PRKCZ: variants seen among roughly 807,000 people sequenced by gnomAD.
PRKCZ encodes the protein protein kinase C zeta type.
Under a neutral mutation model 79.5 loss-of-function variants are expected in PRKCZ, and 33 were observed. The observed-to-expected ratio is 0.41, with a 90% CI of 0.31 to 0.55. PRKCZ has a LOEUF of 0.55. Among genes scored for constraint, PRKCZ ranks in the 20% least tolerant of loss-of-function variants. The pLI is 0.19. For synonymous variants in PRKCZ, 342 were observed against 320.9 expected, an observed-to-expected ratio of 1.07 and a Z score of -0.70; for missense variants, 578 against 813.5, an observed-to-expected ratio of 0.71 and a Z score of 3.52.
Position 2,056,523 on chromosome 1 carries a change from A to T in PRKCZ, c.233A>T (p.Glu78Val). 1 of 1,613,880 alleles carries T rather than the reference A, an allele frequency of 6.2e-7. No homozygotes were observed. The highest frequency in any genetic ancestry group is 1.1e-5 in the South Asian group (1 of 91,000). Residue 78 changes from glutamate (E) to valine (V), a missense_variant, in exon 3 of 18, where the codon GAG (glutamate) becomes GTG (valine). Around this residue, in one of 4 missense-constraint regions of PRKCZ, gnomAD observed 228 missense variants for 211.6 expected, o/e 1.08. Transcript: ENST00000378567. ...CTVSSQMELE[E>V]AFRLARQCRD... ...GTGTCCTCCCAGATGGAGCTGGAAG[A>T]GGCTTTCCGCCTGGCCCGTCAGTGC...
chr1:2,062,321 C>T (rs972617596), intron 4 of PRKCZ, among the ~76,000 whole-genome samples: 9 of 152,068 alleles, frequency 5.9e-5, no homozygotes, highest in Non-Finnish European at 1.2e-4. Flanking sequence ...GGATTCTGGA[C>T]GTTTGGTGTC....
intron 4 of PRKCZ, among the ~76,000 whole-genome samples, chr1:2,124,365 TCACGGCGGCGGTTAGGGTCACGGC>T (rs1673419507): frequency 8.1e-6 from 1 of 123,222 alleles, no homozygotes; most frequent in Non-Finnish European, 1.7e-5. Flanking sequence ...GTGGTTAGGG[TCACGGCGGCGGTTAGGGTCACGGC>T]GGTGGTTAGG....
intron 4 of PRKCZ, among the ~76,000 whole-genome samples, chr1:2,104,011 A>C (rs1667939198): frequency 6.6e-6 from 1 of 152,216 alleles, no homozygotes; most frequent in Admixed American, 6.5e-5. Context: ...AGATGACAGC[A>C]CCGCACGCAG....
chr1:2,063,636 C>T (rs1010114376), intron 4 of PRKCZ, among the ~76,000 whole-genome samples: 4 of 152,130 alleles, frequency 2.6e-5, no homozygotes, highest in East Asian at 1.9e-4. Flanking sequence ...AAAGAGCCGC[C>T]GTGCCATTTC....
Position 2,179,641 on chromosome 1 carries a change from C to T in PRKCZ, c.1575+4328C>T, listed in dbSNP as rs116005884. On this transcript the variant is annotated intron_variant, in intron 16 of 17. Coordinates refer to ENST00000378567, the MANE Select transcript of PRKCZ (RefSeq NM_002744.6). Reference sequence around the variant, plus strand: ...ATCTCCCCCTGGATGGAAACGTTTGCGTGGTGACAGCCGATTCTCTTGAGA... The same window carrying T: ...ATCTCCCCCTGGATGGAAACGTTTGTGTGGTGACAGCCGATTCTCTTGAGA... Among the ~76,000 whole-genome samples, 1,095 of 152,306 alleles carry T rather than the reference C, an allele frequency of 7.2e-3. 6 individuals carry two copies. Among genetic ancestry groups the T allele is most frequent in the Non-Finnish European group, 0.011 (755 of 68,026 alleles).
chr1:2,074,294 G>A, intron 4 of PRKCZ: 2 of 1,549,406 alleles, frequency 1.3e-6, no homozygotes, highest in Admixed American at 2.0e-5. Context: ...CCCAGGCCTG[G>A]TGGATGTGTG....
chr1:2,056,384 C>A, intron 2 of PRKCZ, 100 bp from the exon 3 acceptor site: 2 of 1,090,416 alleles, frequency 1.8e-6, no homozygotes, highest in Non-Finnish European at 2.6e-6. Flanking sequence ...CGGGACTTTG[C>A]CCCCCACCAG....
At chr1:2,054,775 C>G (rs1328750565) in intron 1 of PRKCZ, among the ~76,000 whole-genome samples, 3 of 152,088 alleles carry the variant, frequency 2.0e-5, no homozygotes, top group Non-Finnish European at 4.4e-5. Context: ...CGGCTCGCGC[C>G]CATCCCGGGG....
chr1:2,086,433 G>A (rs17776713), intron 4 of PRKCZ, among the ~76,000 whole-genome samples: 3,143 of 152,256 alleles, frequency 0.021, 38 homozygotes, highest in Non-Finnish European at 0.032. Context: ...GTCATTGTTC[G>A]TCTTGAGGCT....
rs1162132538 is a variant in PRKCZ at position 2,056,553 on chromosome 1, A to C, written c.263A>C (p.Asp88Ala). Reference sequence around the variant, plus strand: ...TTCCGCCTGGCCCGTCAGTGCAGGGATGAAGGCCTCATCATTCATGGTTAG... The same window carrying C: ...TTCCGCCTGGCCCGTCAGTGCAGGGCTGAAGGCCTCATCATTCATGGTTAG... ...EAFRLARQCR[D>A]EGLIIHVFPS... is the part of the protein sequence containing the mutation. Residue 88 changes from aspartate (D) to alanine (A), a missense_variant, in exon 3 of 18, where the codon GAT (aspartate) becomes GCT (alanine). Around this residue, in one of 4 missense-constraint regions of PRKCZ, gnomAD observed 228 missense variants for 211.6 expected, o/e 1.08. Coordinates refer to ENST00000378567, the MANE Select transcript of PRKCZ (RefSeq NM_002744.6). 10 of 1,613,750 alleles carry C rather than the reference A, an allele frequency of 6.2e-6. No homozygotes were observed. The highest frequency in any genetic ancestry group is 8.5e-6 in the Non-Finnish European group (10 of 1,179,902).
At chr1:2,183,319 C>T (rs979947793) in intron 16 of PRKCZ, among the ~76,000 whole-genome samples, 8 of 151,194 alleles carry the variant, frequency 5.3e-5, no homozygotes, top group African/African-American at 1.2e-4. Flanking sequence ...TAGCTTGAAT[C>T]GGAGTCAGAG....
At chr1:2,136,551 C>T (rs1220158286) in intron 5 of PRKCZ, among the ~76,000 whole-genome samples, 5 of 152,074 alleles carry the variant, frequency 3.3e-5, no homozygotes, top group African/African-American at 1.2e-4. Flanking sequence ...CAGCCAGTGT[C>T]TGGGAGGCCC....
At chr1:2,122,189 G>A (rs1473493955) in intron 4 of PRKCZ, among the ~76,000 whole-genome samples, 1 of 13,650 alleles carries the variant, frequency 7.3e-5, no homozygotes, top group Admixed American at 1.1e-3. Context: ...GGGTTGTGGT[G>A]GTTAGGGTGG....
chr1:2,144,539 G>T, intron 6 of PRKCZ, 198 bp downstream of exon 6: 2 of 1,413,518 alleles, frequency 1.4e-6, no homozygotes, highest in South Asian at 3.0e-5. Context: ...ACAAGCCCCC[G>T]GCACACTCTG....
chr1:2,184,755 C>G, intron 17 of PRKCZ, 57 bp downstream of exon 17: 6 of 1,530,610 alleles, frequency 3.9e-6, no homozygotes, highest in Non-Finnish European at 5.3e-6. Flanking sequence ...CCATGGCAGG[C>G]CGGCACCTTG....
rs1037241601 is a variant in PRKCZ at position 2,094,737 on chromosome 1, G to A, written c.334+35146G>A. ...CCTTGGGCGCTGCCCGTTCTGAGGC[G>A]CCCGCTGTGCCCGGCTCGTTGAACC... On this transcript the variant is annotated intron_variant, in intron 4 of 17. Transcript: ENST00000378567. This position sits in a 1 kb window ranked among gnomAD's most constrained non-coding sequence, Gnocchi z 7.3. Among the ~76,000 whole-genome samples, 77 of 149,434 alleles carry A rather than the reference G, an allele frequency of 5.2e-4. No individual in the cohort carries two copies. The highest frequency in any genetic ancestry group is 7.3e-4 in the Non-Finnish European group (49 of 67,206).
At chr1:2,146,387 C>G (rs1231047006) in intron 7 of PRKCZ, among the ~76,000 whole-genome samples, 1 of 152,242 alleles carries the variant, frequency 6.6e-6, no homozygotes, top group African/African-American at 2.4e-5. Flanking sequence ...TGCAGAGCCT[C>G]TTCCTCTAAC....
At position 2,168,916 on chromosome 1, in the gene PRKCZ, G is replaced by A; in HGVS notation, c.975-602G>A. Reference sequence around the variant, plus strand: ...TTAGGAAGAGAAACCATGTGGCCCAGTCCCTGAGACGGGAAGGGCCTGCGT... The same window carrying A: ...TTAGGAAGAGAAACCATGTGGCCCAATCCCTGAGACGGGAAGGGCCTGCGT... On this transcript the variant is annotated intron_variant, in intron 10 of 17. Coordinates refer to ENST00000378567, the MANE Select transcript of PRKCZ (RefSeq NM_002744.6). This position sits in a 1 kb window ranked among gnomAD's most constrained non-coding sequence, Gnocchi z 4.7. 3.3e-6 allele frequency: 1 copy of A among 299,312 alleles called. No individual in the cohort carries two copies. Among genetic ancestry groups the A allele is most frequent in the Admixed American group, 4.2e-5 (1 of 23,618 alleles). The allele number at this position is 299,312 out of a possible 1,614,324, so 18.5% of individuals were successfully genotyped here. A position where few individuals can be genotyped will look rare whatever the true frequency, so the allele number is the denominator to read the frequency against.
chr1:2,074,215 G>A (rs1431891280), intron 4 of PRKCZ: 1 of 1,550,492 alleles, frequency 6.4e-7, no homozygotes, highest in Non-Finnish European at 8.7e-7. Context: ...TAAGGCTGTG[G>A]AGGGACCTTC....
Sources: gnomAD v4.1 joint callset for allele counts (sites outside exome capture counted in the v4.1 genomes callset) on GRCh38, gnomAD v4.1.1 for gene constraint, gnomAD v4.1.1 regional missense constraint, Gnocchi (gnomAD v3.1) non-coding constraint, MANE v1.5 for transcripts, NCBI Gene and HGNC (gene_info 2026-07-23, HGNC 2026-07-21) for gene names.